Variants in NOL11 observed in about 807,000 individuals in gnomAD.
NOL11 encodes nucleolar protein 11.
Under a neutral mutation model 93.0 loss-of-function variants are expected in NOL11, and 42 were observed. The observed-to-expected ratio is 0.45, with a 90% CI of 0.35 to 0.58. The LOEUF is 0.58. NOL11 is among the 20% of genes least tolerant of loss of function. The pLI is 0.00. For missense variants in NOL11, 775 were observed against 841.8 expected, an observed-to-expected ratio of 0.92 and a Z score of 0.98; for synonymous variants, 296 against 293.7, an observed-to-expected ratio of 1.01 and a Z score of -0.08.
rs770343683 is a variant in NOL11, at chr17:67,719,658, A to G, written c.142-16A>G. 3.9e-6 allele frequency: 5 copies of G among 1,284,468 alleles called. No homozygotes were observed. Among genetic ancestry groups the G allele is most frequent in the Non-Finnish European group, 5.6e-6 (5 of 893,412 alleles). 79.6% of individuals were successfully genotyped at this position (1,284,468 alleles called of 1,614,324 possible). A position where few individuals can be genotyped will look rare whatever the true frequency, so the allele number is the denominator to read the frequency against. The stretch of plus-strand genomic sequence containing the variant: ...AGTTGACTTCTTGAATATTGTATTT[A>G]TCTTAATTTCATTAGGTTTCTGATC... On this transcript the variant is annotated splice_polypyrimidine_tract_variant and intron_variant, in intron 1 of 17. Coordinates refer to ENST00000253247, the MANE Select transcript of NOL11 (RefSeq NM_015462.5).
intron 1 of NOL11, 135 bp from the exon 2 acceptor site, chr17:67,719,539 G>A (rs541279033): frequency 5.6e-6 from 3 of 533,490 alleles, no homozygotes; most frequent in Middle Eastern, 1.1e-3. Context: ...GATTACAGGC[G>A]TGAGCCACTG....
At chr17:67,733,037 T>G (rs1215177686) in intron 7 of NOL11, among the ~76,000 whole-genome samples, 1 of 152,114 alleles carries the variant, frequency 6.6e-6, no homozygotes. Context: ...GATCATGTCA[T>G]CTGTGAGTAG....
At chr17:67,739,942 A>T (rs1567805955) in intron 16 of NOL11, among the ~76,000 whole-genome samples, 1 of 152,190 alleles carries the variant, frequency 6.6e-6, no homozygotes, top group African/African-American at 2.4e-5. Flanking sequence ...ATCTCTTAAG[A>T]ATAAGAGAAC....
chr17:67,718,178 AAG>A, intron 1 of NOL11, 90 bp downstream of exon 1: 6 of 1,542,988 alleles, frequency 3.9e-6, no homozygotes, highest in South Asian at 1.2e-5. Flanking sequence ...CAGCTTCAGA[AAG>A]AGATCGTGGA....
intron 7 of NOL11, among the ~76,000 whole-genome samples, chr17:67,732,071 CTTAATA>C (rs1158800350): frequency 6.6e-6 from 1 of 152,186 alleles, no homozygotes; most frequent in Non-Finnish European, 1.5e-5. Flanking sequence ...GTATTGCCAT[CTTAATA>C]TTAAGTCTTC....
At chr17:67,718,132 C>T (rs760903506) in intron 1 of NOL11, 44 bp downstream of exon 1, 2 of 1,594,224 alleles carry the variant, frequency 1.3e-6, no homozygotes, top group African/African-American at 2.7e-5. Context: ...CCTTCTCGCC[C>T]CTTTCTGAGC....
chr17:67,735,876 T>A (rs538534782), intron 8 of NOL11, 24 bp from the exon 9 acceptor site: 43 of 1,597,874 alleles, frequency 2.7e-5, no homozygotes, highest in Non-Finnish European at 3.5e-5. Flanking sequence ...AATTTGCTTA[T>A]GTTTTTGATA....
rs1567804351 is a variant in NOL11, at chr17:67,736,720, T to C, written c.1109T>C (p.Leu370Pro). 6.2e-7 allele frequency: 1 copy of C among 1,613,614 alleles called. No individual in the cohort carries two copies. The highest frequency in any genetic ancestry group is 1.7e-5 in the Admixed American group (1 of 59,966). Residue 370 changes from leucine to proline, a missense_variant, in exon 10 of 18, where the codon CTT becomes CCT. By Grantham distance (98) the Leu-to-Pro change is moderately conservative. This residue lies in a region of NOL11 where 416 missense variants were observed against 525.2 expected (regional missense o/e 0.79). Transcript: ENST00000253247. Reference protein sequence around the residue: ...VNWETPQGCGLGFQNSEQSRR... With the variant: ...VNWETPQGCGPGFQNSEQSRR... ...TGGGAGACACCTCAAGGATGTGGAC[T>C]TGGGTTCCAGAACTCAGAGCAGTCA...
Position 67,722,186 on chromosome 17 carries a change from A to G in NOL11, c.462-394A>G, listed in dbSNP as rs566645961. On this transcript the variant is annotated intron_variant, in intron 4 of 17. Coordinates refer to ENST00000253247, the MANE Select transcript of NOL11 (RefSeq NM_015462.5). ...TTTGAGTTCTAGTTGCTGCTTTGCC[A>G]CAAACTGTGCAGCCAGTAACTTCTC... Among the ~76,000 whole-genome samples, 112 of 152,328 alleles carry G rather than the reference A, an allele frequency of 7.4e-4. 2 individuals carry two copies. Among genetic ancestry groups the G allele is most frequent in the African/African-American group, 2.6e-3 (109 of 41,588 alleles).
chr17:67,735,984 G>GC lies in NOL11; in HGVS notation c.1016dup (p.Gly340ArgfsTer9). On this transcript the variant is annotated frameshift_variant, in exon 9 of 18. Coordinates refer to ENST00000253247, the MANE Select transcript of NOL11 (RefSeq NM_015462.5). LOFTEE classifies it high-confidence loss of function. The stretch of plus-strand genomic sequence containing the variant: ...ATACAAGTGTGAAGTGTCATCATTA[G>GC]CAGGTGCTCTTGGAAAACTCAAGCA... 1 of 1,610,496 alleles carries GC rather than the reference G, an allele frequency of 6.2e-7. No homozygotes were observed. Among genetic ancestry groups the GC allele is most frequent in the Non-Finnish European group, 8.5e-7 (1 of 1,178,212 alleles).
intron 7 of NOL11, among the ~76,000 whole-genome samples, chr17:67,730,734 G>A (rs7208577): frequency 0.86 from 130,897 of 152,274 alleles, 56,369 homozygotes; most frequent in East Asian, 0.95. Context: ...TAATAATCAC[G>A]TCAGGGTGAA....
At position 67,739,009 on chromosome 17, in the gene NOL11, C is replaced by T. The variant is rs78812107; in HGVS notation, c.1841C>T (p.Thr614Met). ...HLKDIPAQHI[T>M]LFLKYLYFLY... ...AAAGACATCCCAGCACAGCATATCA[C>T]GGTAAGTGTTCATACAAGTTGTATA... Residue 614 changes from threonine to methionine, a missense_variant and splice_region_variant, in exon 15 of 18, where the codon ACG (threonine) becomes ATG (methionine). Around this residue, in one of 2 missense-constraint regions of NOL11, gnomAD observed 416 missense variants for 525.2 expected, o/e 0.79. Coordinates refer to ENST00000253247, the MANE Select transcript of NOL11 (RefSeq NM_015462.5). 6.2e-5 allele frequency: 100 copies of T among 1,600,634 alleles called. No individual in the cohort carries two copies. In the East Asian group the frequency reaches 2.0e-3, roughly 32 times the overall value.
intron 7 of NOL11, among the ~76,000 whole-genome samples, chr17:67,729,276 CTTTTTGTAT>C (rs1053242514): frequency 5.9e-5 from 9 of 151,540 alleles, no homozygotes; most frequent in Admixed American, 2.6e-4. Context: ...TTTCCTTTTT[CTTTTTGTAT>C]TTTTTGTATT....
intron 7 of NOL11, among the ~76,000 whole-genome samples, chr17:67,730,849 A>G (rs1041265791): frequency 3.9e-5 from 6 of 152,242 alleles, no homozygotes; most frequent in African/African-American, 1.4e-4. Flanking sequence ...AGAACTGCCG[A>G]ACTCCACAGT....
intron 14 of NOL11, 78 bp downstream of exon 14, chr17:67,738,433 C>A: frequency 1.1e-6 from 1 of 880,248 alleles, no homozygotes; most frequent in Non-Finnish European, 1.8e-6. Context: ...CAAGGAGTAA[C>A]TCAATAATTT....
At chr17:67,743,685 A>G (rs2055275601) in intron 17 of NOL11, 58 bp from the exon 18 acceptor site, 1 of 1,212,792 alleles carries the variant, frequency 8.2e-7, no homozygotes, top group Non-Finnish European at 1.2e-6. Context: ...TTACTCATGG[A>G]AGATTTGTTT....
chr17:67,717,962 G>T lies in NOL11; in HGVS notation c.15G>T (p.Glu5Asp), dbSNP rs568983818. 2 of 1,614,214 alleles carry T rather than the reference G, an allele frequency of 1.2e-6. No homozygotes were observed. The highest frequency in any genetic ancestry group is 3.3e-4 in the Middle Eastern group (2 of 6,062). The change falls in exon 1 of 18, where the codon GAG becomes GAT. Residue 5 changes from glutamate to aspartate, a missense_variant. This residue lies in a region of NOL11 where 359 missense variants were observed against 316.5 expected (regional missense o/e 1.13). Coordinates refer to ENST00000253247, the MANE Select transcript of NOL11 (RefSeq NM_015462.5). The part of the protein sequence containing the change: MAAL[E>D]EEFTLSSVVL... ...GTTTGCTCAAAATGGCAGCGCTGGA[G>T]GAAGAATTCACGTTGTCTTCGGTAG... is the stretch of plus-strand genomic sequence containing the variant.
chr17:67,736,844 C>A, intron 10 of NOL11, 90 bp downstream of exon 10: 1 of 945,296 alleles, frequency 1.1e-6, no homozygotes, highest in Non-Finnish European at 1.6e-6. Context: ...ATCCTTACAA[C>A]TCTTAGAGCT....
intron 7 of NOL11, among the ~76,000 whole-genome samples, chr17:67,728,575 G>C (rs968549273): frequency 6.6e-6 from 1 of 151,444 alleles, no homozygotes; most frequent in Non-Finnish European, 1.5e-5. Context: ...CTACCTCCCT[G>C]CCAAAAAAAC....
Sources: gnomAD v4.1 joint callset for allele counts (sites outside exome capture counted in the v4.1 genomes callset) on GRCh38, gnomAD v4.1.1 for gene constraint, gnomAD v4.1.1 regional missense constraint, MANE v1.5 for transcripts, NCBI Gene and HGNC (gene_info 2026-07-23, HGNC 2026-07-21) for gene names.